TOX2: variants seen among roughly 807,000 people sequenced by gnomAD.
The protein encoded by TOX2 is granulosa cell HMG box 1.
Under a neutral mutation model 47.4 loss-of-function variants are expected in TOX2, and 15 were observed. That is an observed-to-expected ratio of 0.32 (90% CI 0.21 to 0.49). The LOEUF (loss-of-function observed/expected upper bound fraction) is 0.49, where lower values mean the gene tolerates loss of function less well. Among genes scored for constraint, TOX2 ranks in the 20% least tolerant of loss-of-function variants. The pLI, the probability that TOX2 is intolerant of heterozygous loss-of-function variation, is 0.99. For synonymous variants in TOX2, 290 were observed against 296.6 expected (o/e 0.98, Z 0.23); for missense variants, 622 against 673.1 (o/e 0.92, Z 0.84).
intron 2 of TOX2, among the ~76,000 whole-genome samples, chr20:43,975,651 TC>T (rs897646045): frequency 6.6e-5 from 10 of 151,984 alleles, no homozygotes; most frequent in African/African-American, 2.4e-4. Flanking sequence ...CCACGTTAGG[TC>T]CCCTTTCCAT....
chr20:43,987,674 T>C (rs1222843901), intron 2 of TOX2, among the ~76,000 whole-genome samples: 1 of 152,188 alleles, frequency 6.6e-6, no homozygotes, highest in Non-Finnish European at 1.5e-5. Flanking sequence ...AAATTCCCAC[T>C]GAGAGCATGG....
intron 3 of TOX2, among the ~76,000 whole-genome samples, chr20:44,048,141 C>T (rs565577567): frequency 6.6e-6 from 1 of 152,050 alleles, no homozygotes; most frequent in Non-Finnish European, 1.5e-5. Flanking sequence ...ATTGCTTGAA[C>T]CCTGGAGGTG....
intron 2 of TOX2, among the ~76,000 whole-genome samples, chr20:43,974,428 G>A (rs1449335066): frequency 3.9e-5 from 6 of 152,236 alleles, no homozygotes; most frequent in Non-Finnish European, 7.3e-5. Flanking sequence ...GCATGGCATC[G>A]TGGAGGATGG....
intron 1 of TOX2, chr20:43,946,100 A>C: frequency 6.3e-7 from 1 of 1,596,926 alleles, no homozygotes. Context: ...CTGTGGGCTG[A>C]AGATAGGTGA....
At chr20:43,972,281 G>A (rs1233971219) in intron 1 of TOX2, among the ~76,000 whole-genome samples, 1 of 152,186 alleles carries the variant, frequency 6.6e-6, no homozygotes, top group African/African-American at 2.4e-5. Flanking sequence ...CTTGCTTCGT[G>A]TTGGTACTAA....
At chr20:43,941,170 C>A (rs768058083) in intron 1 of TOX2, among the ~76,000 whole-genome samples, 51 of 151,996 alleles carry the variant, frequency 3.4e-4, no homozygotes, top group Admixed American at 1.3e-4. Context: ...GGGAAGGGGG[C>A]GTGGAAGCTT....
At chr20:43,990,000 G>C (rs764450421) in intron 2 of TOX2, among the ~76,000 whole-genome samples, 6 of 152,052 alleles carry the variant, frequency 3.9e-5, no homozygotes, top group Non-Finnish European at 8.8e-5. Context: ...CAGTTCCCCT[G>C]AACTGAACCA....
At position 43,973,408 on chromosome 20, in the gene TOX2, C is replaced by T; in HGVS notation, c.141C>T (p.Asn47=). ...CCTACGTGGGGATGAGTGACGGAAA[C>T]CCAGAGCTCCTGTCAACCAGCCAGG... is the stretch of plus-strand genomic sequence containing the variant. ...DSAYVGMSDG[N]PELLSTSQTY... is the part of the protein sequence containing the mutation. The change falls in exon 2 of 9, where the codon AAC becomes AAT. Residue 47 remains asparagine (N), a synonymous_variant. Transcript: ENST00000341197. The T allele has an allele frequency of 6.2e-7, 1 of 1,614,122 alleles. No individual in the cohort carries two copies. The highest frequency in any genetic ancestry group is 8.5e-7 in the Non-Finnish European group (1 of 1,180,016).
chr20:43,928,578 C>T (rs997655503), intron 1 of TOX2, among the ~76,000 whole-genome samples: 15 of 152,236 alleles, frequency 9.9e-5, no homozygotes, highest in South Asian at 6.2e-4. Context: ...CAGCAAGTCA[C>T]GGCCTGTCGA....
At chr20:44,054,200 AG>A in intron 4 of TOX2, 98 bp from the exon 5 acceptor site, 1 of 1,255,748 alleles carries the variant, frequency 8.0e-7, no homozygotes, top group South Asian at 1.3e-5. Flanking sequence ...GTGCATGAGC[AG>A]GGCTGGAGAA....
At position 44,006,586 on chromosome 20, in the gene TOX2, A is replaced by G. The variant is rs1366168133; in HGVS notation, c.205A>G (p.Ile69Val). The G allele has an allele frequency of 6.2e-7, 1 of 1,613,794 alleles. No individual in the cohort carries two copies. The highest frequency in any genetic ancestry group is 2.2e-5 in the East Asian group (1 of 44,900). ...GAGCGAGAACAACGAAGACTATGAG[A>G]TCCCCCCGATAACACCTCCCAACCT... ...GQSENNEDYE[I>V]PPITPPNLPE... The change falls in exon 3 of 9, where the codon ATC becomes GTC. Residue 69 changes from isoleucine (I) to valine (V), a missense_variant. By Grantham distance (29) the Ile-to-Val change is conservative (BLOSUM62 3). Coordinates refer to ENST00000341197, the MANE Select transcript of TOX2 (RefSeq NM_001098797.2).
chr20:43,948,498 C>T (rs2069507128), intron 1 of TOX2, among the ~76,000 whole-genome samples: 2 of 152,238 alleles, frequency 1.3e-5, no homozygotes, highest in South Asian at 4.1e-4. Context: ...CTCTCCCCTG[C>T]TGCCTTGTGC....
chr20:43,971,616 T>C (rs2069969591), intron 1 of TOX2, among the ~76,000 whole-genome samples: 1 of 152,148 alleles, frequency 6.6e-6, no homozygotes, highest in South Asian at 2.1e-4. Flanking sequence ...ACAGATAAAC[T>C]CACACCTATG....
intron 1 of TOX2, among the ~76,000 whole-genome samples, chr20:43,933,177 G>A (rs572993386): frequency 2.1e-4 from 32 of 152,288 alleles, no homozygotes; most frequent in East Asian, 9.7e-4. Flanking sequence ...GAATGTCTCC[G>A]TTACCTAGCT....
At chr20:44,019,989 C>T (rs902796133) in intron 3 of TOX2, among the ~76,000 whole-genome samples, 1 of 151,890 alleles carries the variant, frequency 6.6e-6, no homozygotes, top group African/African-American at 2.4e-5. Context: ...CTCAGGAGAG[C>T]CCCGGGATTA....
intron 2 of TOX2, among the ~76,000 whole-genome samples, chr20:43,981,306 T>TA (rs1177572985): frequency 1.3e-5 from 2 of 152,234 alleles, no homozygotes; most frequent in Non-Finnish European, 2.9e-5. Context: ...GCCCTACAGA[T>TA]ATATTTGTAC....
intron 2 of TOX2, among the ~76,000 whole-genome samples, chr20:43,985,133 C>T (rs1485681438): frequency 6.6e-6 from 1 of 152,232 alleles, no homozygotes; most frequent in African/African-American, 2.4e-5. Flanking sequence ...CTCAGCCTCT[C>T]TCCCTGTGTC....
In TOX2 at chr20:44,014,975, CG is replaced by C. The variant is rs534201603; in HGVS notation, c.411+8188del. Among the ~76,000 whole-genome samples the C allele has an allele frequency of 4.6e-5, 7 of 152,194 alleles. No homozygotes were observed. The East Asian group carries it at 1.4e-3, about 29-fold the overall frequency. ...ACAGTTCCACTGCTTGCCAAGAAAG[CG>C]GGGGCCCAAGACGCAATGCTTCTTG... On this transcript the variant is annotated intron_variant, in intron 3 of 8. Coordinates refer to ENST00000341197, the MANE Select transcript of TOX2 (RefSeq NM_001098797.2).
At chr20:44,040,475 A>C (rs2071313939) in intron 3 of TOX2, among the ~76,000 whole-genome samples, 1 of 152,166 alleles carries the variant, frequency 6.6e-6, no homozygotes, top group African/African-American at 2.4e-5. Context: ...GGAAGGCATC[A>C]TAACTTAGGG....
Sources: allele counts gnomAD v4.1 joint callset (sites outside exome capture counted in the v4.1 genomes callset), GRCh38; gene constraint gnomAD v4.1.1; transcripts MANE v1.5; gene names NCBI Gene and HGNC (gene_info 2026-07-23, HGNC 2026-07-21).